Variants in ADGRL3 observed in about 807,000 individuals in gnomAD.
The protein encoded by ADGRL3 is adhesion G protein-coupled receptor L3, also known as calcium-independent alpha-latrotoxin receptor 3.
A neutral mutation model predicts 153.5 loss-of-function variants in ADGRL3; 62 were observed. The observed-to-expected ratio is 0.40, with a 90% CI of 0.33 to 0.50. The LOEUF is 0.50. Ranked by LOEUF, ADGRL3 falls within the 20% of genes least tolerant of loss-of-function variation. The probability of loss-of-function intolerance (pLI) is 0.47; values close to 1 mark genes in which losing one functional copy is unlikely to be tolerated. For synonymous variants in ADGRL3, 710 were observed against 672.5 expected (o/e 1.06, Z -0.86); for missense variants, 1,641 against 1,859.4 (o/e 0.88, Z 2.16).
chr4:62,043,749 T>A (rs936198155), intron 24 of ADGRL3, among the ~76,000 whole-genome samples: 1 of 152,000 alleles, frequency 6.6e-6, no homozygotes, highest in Admixed American at 6.6e-5. Flanking sequence ...AATCCCCCAA[T>A]GGAAAAAGTT....
intron 1 of ADGRL3, among the ~76,000 whole-genome samples, chr4:61,247,246 T>C (rs1448974657): frequency 6.6e-6 from 1 of 152,068 alleles, no homozygotes; most frequent in Non-Finnish European, 1.5e-5. Context: ...GATAGGGTGC[T>C]GGGTACAACA....
chr4:61,387,315 A>G (rs935379075), intron 2 of ADGRL3, among the ~76,000 whole-genome samples: 34 of 152,188 alleles, frequency 2.2e-4, no homozygotes, highest in Non-Finnish European at 4.0e-4. Flanking sequence ...AGGTGAAGTT[A>G]AAATTGCTAA....
At chr4:61,477,767 G>A (rs774653284) in intron 2 of ADGRL3, among the ~76,000 whole-genome samples, 2 of 152,024 alleles carry the variant, frequency 1.3e-5, no homozygotes, top group African/African-American at 4.8e-5. Context: ...GTGATGATAT[G>A]TCTTTATCTC....
chr4:61,454,699 G>A (rs2097714195), intron 2 of ADGRL3, among the ~76,000 whole-genome samples: 1 of 151,972 alleles, frequency 6.6e-6, no homozygotes. Flanking sequence ...ATATATATAA[G>A]CATACATACA....
At chr4:61,615,378 T>C (rs2091878448) in intron 5 of ADGRL3, among the ~76,000 whole-genome samples, 1 of 152,066 alleles carries the variant, frequency 6.6e-6, no homozygotes, top group Non-Finnish European at 1.5e-5. Context: ...CAGTAATGTA[T>C]GTGCTAAAAT....
chr4:61,830,220 C>G (rs1388791060), intron 9 of ADGRL3, among the ~76,000 whole-genome samples: 1 of 151,866 alleles, frequency 6.6e-6, no homozygotes, highest in Non-Finnish European at 1.5e-5. Context: ...GTTGCCCAGG[C>G]TTCTACAAAA....
At chr4:61,730,678 T>C (rs1445801239) in intron 7 of ADGRL3, 42 bp downstream of exon 7, 11 of 462,818 alleles carry the variant, frequency 2.4e-5, no homozygotes, top group Non-Finnish European at 3.7e-6. Flanking sequence ...ATTTATAGGC[T>C]AAGTTATTTA....
chr4:61,941,315 T>C (rs1162788202), intron 15 of ADGRL3, among the ~76,000 whole-genome samples: 1 of 124,906 alleles, frequency 8.0e-6, no homozygotes, highest in Non-Finnish European at 1.6e-5. Flanking sequence ...ACCAGTACCA[T>C]GCTGTTTTGG....
In ADGRL3 at chr4:61,202,764, G is replaced by T. The variant is rs750140902; in HGVS notation, c.-240+999G>T. ...TAGGTGGGTGTGTGTGTGTCTGTGCGTGTGTGTGTGGTGTGTAGGGGTGGG... is the reference window on the plus strand; with the variant it reads ...TAGGTGGGTGTGTGTGTGTCTGTGCTTGTGTGTGTGGTGTGTAGGGGTGGG... On this transcript the variant is annotated intron_variant, in intron 1 of 26. Transcript: ENST00000683033. The surrounding 1 kb of genome is among the most constrained non-coding windows in gnomAD (Gnocchi z 5.0). 2.6e-5 allele frequency among the ~76,000 whole-genome samples: 4 copies of T among 152,068 alleles called. No homozygotes were observed. The highest frequency in any genetic ancestry group is 9.7e-5 in the African/African-American group (4 of 41,428).
At chr4:61,947,953 G>T (rs2098932422) in intron 16 of ADGRL3, 147 bp from the exon 17 acceptor site, 1 of 615,306 alleles carries the variant, frequency 1.6e-6, no homozygotes, top group Admixed American at 3.0e-5. Context: ...ACTTAGAATT[G>T]TTGAGGCCCA....
At chr4:61,225,923 A>G (rs191406524) in intron 1 of ADGRL3, among the ~76,000 whole-genome samples, 2 of 152,184 alleles carry the variant, frequency 1.3e-5, no homozygotes, top group African/African-American at 4.8e-5. Context: ...GTCTTCTTTA[A>G]TATCTTTTCC....
At chr4:61,484,870 A>G (rs1338604863) in intron 2 of ADGRL3, among the ~76,000 whole-genome samples, 1 of 151,460 alleles carries the variant, frequency 6.6e-6, no homozygotes, top group Admixed American at 6.6e-5. Flanking sequence ...ATAATTTGGT[A>G]GGTACGTATA....
At chr4:61,264,839 G>A (rs920354013) in intron 1 of ADGRL3, among the ~76,000 whole-genome samples, 1 of 151,800 alleles carries the variant, frequency 6.6e-6, no homozygotes, top group African/African-American at 2.4e-5. Flanking sequence ...ATTATGCTTG[G>A]GAAAAAGTGT....
At chr4:61,791,043 C>G (rs2097335526) in intron 8 of ADGRL3, among the ~76,000 whole-genome samples, 1 of 152,164 alleles carries the variant, frequency 6.6e-6, no homozygotes, top group African/African-American at 2.4e-5. Flanking sequence ...GGTGGGGACA[C>G]AGGCAAACCA....
chr4:61,243,365 A>G lies in ADGRL3; in HGVS notation c.-240+41600A>G, dbSNP rs116608557. 8.2e-3 allele frequency among the ~76,000 whole-genome samples: 1,243 copies of G among 152,120 alleles called. 20 individuals carry two copies. Among genetic ancestry groups the G allele is most frequent in the African/African-American group, 0.029 (1,186 of 41,524 alleles). ...AGAGAAGAGAACCAGGTCCTGTGGG[A>G]ACTGTGAAATTTTACACTTTCTTTT... is the stretch of plus-strand genomic sequence containing the variant. On this transcript the variant is annotated intron_variant, in intron 1 of 26. Coordinates refer to ENST00000683033, the MANE Select transcript of ADGRL3 (RefSeq NM_001387552.1).
chr4:61,956,419 G>A (rs1177383245), intron 17 of ADGRL3, among the ~76,000 whole-genome samples: 1 of 152,064 alleles, frequency 6.6e-6, no homozygotes, highest in Non-Finnish European at 1.5e-5. Context: ...TAAGTTTCAT[G>A]TAAATTCTGG....
intron 1 of ADGRL3, among the ~76,000 whole-genome samples, chr4:61,220,390 A>G (rs189012081): frequency 6.6e-6 from 1 of 152,152 alleles, no homozygotes; most frequent in African/African-American, 2.4e-5. Flanking sequence ...AGCCTAAACC[A>G]TGGGACTGCC....
At chr4:61,392,687 A>AAAAAAAAAAG in intron 2 of ADGRL3, among the ~76,000 whole-genome samples, 1 of 141,510 alleles carries the variant, frequency 7.1e-6, no homozygotes, top group Non-Finnish European at 1.5e-5. Context: ...TCCATCTCAA[A>AAAAAAAAAAG]AAAAAAAAAA....
intron 1 of ADGRL3, among the ~76,000 whole-genome samples, chr4:61,280,648 A>G (rs2093686972): frequency 6.6e-6 from 1 of 152,148 alleles, no homozygotes; most frequent in Non-Finnish European, 1.5e-5. Flanking sequence ...TTGGCTTTCT[A>G]AATTACAAGA....
Sources: allele counts gnomAD v4.1 joint callset (sites outside exome capture counted in the v4.1 genomes callset), GRCh38; gene constraint gnomAD v4.1.1; non-coding constraint Gnocchi (gnomAD v3.1); transcripts MANE v1.5; gene names NCBI Gene and HGNC (gene_info 2026-07-23, HGNC 2026-07-21).